Variants in LRRD1 observed in about 807,000 individuals in gnomAD.
The protein encoded by LRRD1 is leucine-rich repeat and death domain-containing protein 1.
Under a neutral mutation model 69.5 loss-of-function variants are expected in LRRD1, and 49 were observed. The ratio of observed to expected loss-of-function variants is 0.70; its 90% confidence interval spans 0.56 to 0.89. The LOEUF (loss-of-function observed/expected upper bound fraction) is 0.89, where lower values mean the gene tolerates loss of function less well. LRRD1 is among the 40% of genes least tolerant of loss of function. LRRD1 has a pLI of 0.00. For synonymous variants in LRRD1, 303 were observed against 338.9 expected (o/e 0.89, Z 1.16); for missense variants, 853 against 956.0 (o/e 0.89, Z 1.42).
chr7:92,150,321 C>T (rs887394770), intron 4 of LRRD1, among the ~76,000 whole-genome samples: 4 of 151,888 alleles, frequency 2.6e-5, no homozygotes, highest in Non-Finnish European at 5.9e-5. Flanking sequence ...AAAAATTAGC[C>T]AGGTGCGGTG....
intron 4 of LRRD1, chr7:92,149,792 A>T: frequency 3.3e-6 from 1 of 307,456 alleles, no homozygotes; most frequent in Non-Finnish European, 7.0e-6. Context: ...AGCTCAAGTG[A>T]TTGTCCTGCC....
At chr7:92,148,703 A>G (rs1820392837) in intron 4 of LRRD1, among the ~76,000 whole-genome samples, 1 of 152,198 alleles carries the variant, frequency 6.6e-6, no homozygotes, top group Admixed American at 6.5e-5. Context: ...TATGGATCCT[A>G]GAAAACCCCG....
chr7:92,150,236 G>C (rs1419467895), intron 4 of LRRD1, among the ~76,000 whole-genome samples: 3 of 152,176 alleles, frequency 2.0e-5, no homozygotes, highest in Non-Finnish European at 4.4e-5. Context: ...GACCAAGACA[G>C]GAGGATTGCT....
chr7:92,149,971 A>C (rs1216659434), intron 4 of LRRD1: 1 of 450,408 alleles, frequency 2.2e-6, no homozygotes, highest in Admixed American at 2.4e-5. Flanking sequence ...CATTAAGGTC[A>C]ATAGGGTAGG....
chr7:92,161,897 T>C (rs147993371), intron 2 of LRRD1, among the ~76,000 whole-genome samples: 2 of 152,326 alleles, frequency 1.3e-5, no homozygotes, highest in East Asian at 3.9e-4. Context: ...AGATCAGCTC[T>C]AGTCATGTAG....
chr7:92,142,752 T>C, downstream of LRRD1: 2 of 441,124 alleles, frequency 4.5e-6, no homozygotes, highest in East Asian at 7.0e-5. Flanking sequence ...TTACAGCTCT[T>C]AAGGCGGCGC....
chr7:92,159,538 C>A lies in LRRD1; in HGVS notation c.1918-335G>T, dbSNP rs532956154. On this transcript the variant is annotated intron_variant, in intron 2 of 5. Transcript: ENST00000458448. ...CCTAAATCTGACCCTGTTTTGGCTT[C>A]TTTCCCGCCCCCCTCCCAGAAGTCT... 1.9e-4 allele frequency among the ~76,000 whole-genome samples: 29 copies of A among 149,454 alleles called. No homozygotes were observed. In the South Asian group the frequency reaches 6.3e-3, roughly 32 times the overall value.
Position 92,163,499 on chromosome 7 carries a change from A to C in LRRD1, c.1704T>G (p.Phe568Leu). ...LHVLILCCNKFETFPRELCTL... is the reference protein window; with the variant it reads ...LHVLILCCNKLETFPRELCTL... ...TACACAATTCTCTAGGGAAAGTTTCAAATTTATTACAGCATAAAATAAGTA... is the reference window on the plus strand; with the variant it reads ...TACACAATTCTCTAGGGAAAGTTTCCAATTTATTACAGCATAAAATAAGTA... The change falls in exon 2 of 6, where the codon TTT becomes TTG. Residue 568 changes from phenylalanine (F) to leucine (L), a missense_variant. Physicochemically the swap from Phe to Leu is conservative, Grantham distance 22. Around this residue, in one of 3 missense-constraint regions of LRRD1, gnomAD observed 739 missense variants for 808.0 expected, o/e 0.91. Transcript: ENST00000458448. The C allele has an allele frequency of 6.6e-7, 1 of 1,526,272 alleles. No individual in the cohort carries two copies. Among genetic ancestry groups the C allele is most frequent in the Non-Finnish European group, 8.8e-7 (1 of 1,137,648 alleles). The allele number at this position is 1,526,272 out of a possible 1,614,324, so 94.5% of individuals were successfully genotyped here.
chr7:92,144,861 T>C lies in LRRD1; in HGVS notation c.*27A>G. 7.2e-7 allele frequency: 1 copy of C among 1,382,894 alleles called. No individual in the cohort carries two copies. The highest frequency in any genetic ancestry group is 9.7e-7 in the Non-Finnish European group (1 of 1,035,420). 85.7% of individuals were successfully genotyped at this position (1,382,894 alleles called of 1,614,324 possible). ...TTTCAATTATAAGTGCATCAAAAGT[T>C]TTCAGTTTTTATTATTGATCCACTG... On this transcript the variant is annotated 3_prime_UTR_variant, in exon 6 of 6. Coordinates refer to ENST00000458448, the MANE Select transcript of LRRD1 (RefSeq NM_001161528.2).
intron 1 of LRRD1, among the ~76,000 whole-genome samples, chr7:92,172,570 A>C (rs1789080350): frequency 6.6e-6 from 1 of 152,192 alleles, no homozygotes; most frequent in Non-Finnish European, 1.5e-5. Context: ...AAAAAAATCA[A>C]GAAAGCAATC....
In LRRD1 at chr7:92,150,677, A is replaced by T; in HGVS notation, c.2135T>A (p.Leu712Gln). The change falls in exon 4 of 6, where the codon CTA (leucine) becomes CAA (glutamine). Residue 712 changes from leucine (L) to glutamine (Q), a missense_variant. By Grantham distance (113) the Leu-to-Gln change is moderately radical. Coordinates refer to ENST00000458448, the MANE Select transcript of LRRD1 (RefSeq NM_001161528.2). ...AAAAATATTGTAGATAGCACTAGGT[A>T]GAGCTGTCAGATTATTTCCTAGTAG... is the stretch of plus-strand genomic sequence containing the variant. ...LNLSGNNLTA[L>Q]PSAIYNIFSL... 1 of 1,539,478 alleles carries T rather than the reference A, an allele frequency of 6.5e-7. No homozygotes were observed. The highest frequency in any genetic ancestry group is 8.8e-7 in the Non-Finnish European group (1 of 1,140,394).
chr7:92,153,041 T>C (rs765161906), intron 3 of LRRD1, among the ~76,000 whole-genome samples: 19 of 152,134 alleles, frequency 1.2e-4, no homozygotes, highest in Admixed American at 6.6e-5. Context: ...CTAATAAGCA[T>C]AATATTTTCA....
At position 92,163,458 on chromosome 7, in the gene LRRD1, T is replaced by A; in HGVS notation, c.1745A>T (p.Gln582Leu). The A allele has an allele frequency of 6.5e-7, 1 of 1,542,194 alleles. No individual in the cohort carries two copies. The highest frequency in any genetic ancestry group is 1.7e-4 in the Middle Eastern group (1 of 5,922). ...PRELCTLENL[Q>L]VLDLSENQLQ... ...TTGGTTTTCCGAAAGATCAAGTACT[T>A]GCAAATTTTCTAAAGTACACAATTC... The change falls in exon 2 of 6, where the codon CAA becomes CTA. Residue 582 changes from glutamine to leucine, a missense_variant. Gln to Leu is a moderately radical substitution (Grantham distance 113). Around this residue, in one of 3 missense-constraint regions of LRRD1, gnomAD observed 739 missense variants for 808.0 expected, o/e 0.91. Coordinates refer to ENST00000458448, the MANE Select transcript of LRRD1 (RefSeq NM_001161528.2).
At position 92,164,014 on chromosome 7, in the gene LRRD1, A is replaced by G. The variant is rs1198289195; in HGVS notation, c.1189T>C (p.Leu397=). Residue 397 remains leucine (L), a synonymous_variant, in exon 2 of 6, where the codon TTG becomes CTG. Coordinates refer to ENST00000458448, the MANE Select transcript of LRRD1 (RefSeq NM_001161528.2). ...TTATCACTAAGACTAAGGCATTCCA[A>G]CATTGCACAGCAAGATATTTTCTCT... The part of the protein sequence containing the change: ...IPEKISCCAM[L]ECLSLSDNKL... 2 of 1,539,632 alleles carry G rather than the reference A, an allele frequency of 1.3e-6. No individual in the cohort carries two copies. The highest frequency in any genetic ancestry group is 2.1e-5 in the Admixed American group (1 of 48,494).
chr7:92,168,625 A>C (rs1194503013), intron 1 of LRRD1, among the ~76,000 whole-genome samples: 2 of 151,538 alleles, frequency 1.3e-5, no homozygotes, highest in African/African-American at 4.8e-5. Context: ...TTAAGGTTCT[A>C]TATAGTGCTG....
chr7:92,174,498 TA>T (rs1563195781), intron 1 of LRRD1, among the ~76,000 whole-genome samples: 123 of 21,456 alleles, frequency 5.7e-3, no homozygotes, highest in African/African-American at 9.3e-3. Flanking sequence ...TATATATATA[TA>T]TATATATATA....
chr7:92,146,143 A>G lies in LRRD1; in HGVS notation c.2336T>C (p.Phe779Ser). 1 of 1,543,464 alleles carries G rather than the reference A, an allele frequency of 6.5e-7. No individual in the cohort carries two copies. ...GTTTAGTTTTTGACATAAAAATTCA[A>G]AATTGGTTTCAGTGATGTTGTTGGC... is the stretch of plus-strand genomic sequence containing the variant. ...IVANNITETNFEFLCQKLNLA... is the reference protein window; with the variant it reads ...IVANNITETNSEFLCQKLNLA... The change falls in exon 5 of 6, where the codon TTT becomes TCT. Residue 779 changes from phenylalanine (F) to serine (S), a missense_variant. Coordinates refer to ENST00000458448, the MANE Select transcript of LRRD1 (RefSeq NM_001161528.2).
At chr7:92,148,102 A>G (rs1054403538) in intron 4 of LRRD1, among the ~76,000 whole-genome samples, 7 of 152,010 alleles carry the variant, frequency 4.6e-5, no homozygotes, top group African/African-American at 1.4e-4. Flanking sequence ...CACCATGCCC[A>G]GCTAATTTTT....
chr7:92,163,608 A>T lies in LRRD1; in HGVS notation c.1595T>A (p.Leu532His). 6.6e-7 allele frequency: 1 copy of T among 1,521,680 alleles called. No individual in the cohort carries two copies. The highest frequency in any genetic ancestry group is 1.4e-5 in the African/African-American group (1 of 71,112). 94.3% of individuals were successfully genotyped at this position (1,521,680 alleles called of 1,614,324 possible). A position where few individuals can be genotyped will look rare whatever the true frequency, so the allele number is the denominator to read the frequency against. ...AAGATCCAGGTATTTAAGATTAATAAGAGAACAAAAGTGCTCAGAAAATAT... is the reference window on the plus strand; with the variant it reads ...AAGATCCAGGTATTTAAGATTAATATGAGAACAAAAGTGCTCAGAAAATAT... ...LLIFSEHFCS[L>H]INLKYLDLGK... Residue 532 changes from leucine (L) to histidine (H), a missense_variant, in exon 2 of 6, where the codon CTT becomes CAT. Physicochemically the swap from Leu to His is moderately conservative, Grantham distance 99. Coordinates refer to ENST00000458448, the MANE Select transcript of LRRD1 (RefSeq NM_001161528.2).
Sources: allele counts gnomAD v4.1 joint callset (sites outside exome capture counted in the v4.1 genomes callset), GRCh38; gene constraint gnomAD v4.1.1; regional missense constraint gnomAD v4.1.1; transcripts MANE v1.5; gene names NCBI Gene and HGNC (gene_info 2026-07-23, HGNC 2026-07-21).